The following NBEA variants were observed in gnomAD, a reference collection of about 807,000 sequenced individuals.
NBEA encodes the protein neurobeachin, also known as lysosomal-trafficking regulator 2.
In NBEA, 44 loss-of-function variants were observed where a neutral mutation model predicts 343.4. That is an observed-to-expected ratio of 0.13 (90% CI 0.10 to 0.16). The LOEUF is 0.16. Among genes scored for constraint, NBEA ranks in the 10% least tolerant of loss-of-function variants. The pLI, the probability that NBEA is intolerant of heterozygous loss-of-function variation, is 1.00. For missense variants in NBEA, 2,555 were observed against 3,631.3 expected, an observed-to-expected ratio of 0.70 and a Z score of 7.62; for synonymous variants, 1,175 against 1,238.7, an observed-to-expected ratio of 0.95 and a Z score of 1.08.
At chr13:35,023,590 C>G (rs1312337857) in intron 1 of NBEA, among the ~76,000 whole-genome samples, 1 of 152,020 alleles carries the variant, frequency 6.6e-6, no homozygotes, top group Non-Finnish European at 1.5e-5. Flanking sequence ...GCCTTGAAGA[C>G]ATTACTAAGG....
At position 35,561,727 on chromosome 13, in the gene NBEA, C is replaced by A. The variant is rs115223531; in HGVS notation, c.6923-5178C>A. ...TAATGCATTATGCAGACTTTTTACA[C>A]CCTCCTGTGGTATGTGTACATGTGC... On this transcript the variant is annotated intron_variant, in intron 44 of 58. Transcript: ENST00000379939. Among the ~76,000 whole-genome samples the A allele has an allele frequency of 5.5e-3, 841 of 152,152 alleles. 3 individuals carry two copies. The highest frequency in any genetic ancestry group is 0.019 in the African/African-American group (796 of 41,524).
intron 33 of NBEA, among the ~76,000 whole-genome samples, chr13:35,223,266 T>G (rs542044786): frequency 3.9e-5 from 6 of 152,194 alleles, no homozygotes; most frequent in Non-Finnish European, 7.3e-5. Context: ...ATAAATCTGT[T>G]TTTGTCTGGT....
Position 35,220,904 on chromosome 13 carries a change from A to G in NBEA, c.5648+9725A>G, listed in dbSNP as rs554331808. Among the ~76,000 whole-genome samples, 407 of 151,562 alleles carry G rather than the reference A, an allele frequency of 2.7e-3. 3 individuals carry two copies. The highest frequency in any genetic ancestry group is 9.3e-3 in the African/African-American group (381 of 41,010). ...TTACCTATCTATATCCTTTCCCCCTATGCCTATTTCTCTCTCAGTGATTTT... is the reference window on the plus strand; with the variant it reads ...TTACCTATCTATATCCTTTCCCCCTGTGCCTATTTCTCTCTCAGTGATTTT... On this transcript the variant is annotated intron_variant, in intron 33 of 58. Transcript: ENST00000379939.
At chr13:35,654,756 T>C (rs1172498194) in intron 53 of NBEA, 99 bp from the exon 54 acceptor site, 2 of 920,670 alleles carry the variant, frequency 2.2e-6, no homozygotes, top group Non-Finnish European at 3.2e-6. Context: ...AAACTATTTC[T>C]GGATAAATGA....
At chr13:35,042,332 A>T (rs1435080706) in intron 2 of NBEA, among the ~76,000 whole-genome samples, 1 of 151,862 alleles carries the variant, frequency 6.6e-6, no homozygotes, top group Non-Finnish European at 1.5e-5. Context: ...ATTTCTTAAA[A>T]TACCTTTTTA....
chr13:35,597,783 C>A (rs1194408159), intron 47 of NBEA, among the ~76,000 whole-genome samples: 1 of 152,020 alleles, frequency 6.6e-6, no homozygotes, highest in South Asian at 2.1e-4. Flanking sequence ...TGCCTAGGCC[C>A]GGAAGTCACA....
intron 38 of NBEA, among the ~76,000 whole-genome samples, chr13:35,369,943 A>G (rs2041334416): frequency 6.6e-6 from 1 of 151,944 alleles, no homozygotes; most frequent in Non-Finnish European, 1.5e-5. Context: ...TTGTGTCATA[A>G]CATATAGTCA....
intron 31 of NBEA, among the ~76,000 whole-genome samples, chr13:35,200,103 T>A (rs1193417065): frequency 6.6e-6 from 1 of 152,062 alleles, no homozygotes; most frequent in Non-Finnish European, 1.5e-5. Context: ...ATATTTATGA[T>A]GGTTTTATTT....
At chr13:34,995,893 A>G (rs1281082431) in intron 1 of NBEA, among the ~76,000 whole-genome samples, 1 of 152,254 alleles carries the variant, frequency 6.6e-6, no homozygotes, top group Non-Finnish European at 1.5e-5. Flanking sequence ...ATAAGGCAGA[A>G]AGATGAATTC....
intron 1 of NBEA, 130 bp downstream of exon 1, chr13:34,943,244 C>T: frequency 8.1e-7 from 1 of 1,232,204 alleles, no homozygotes. Flanking sequence ...GAGCGTTCAG[C>T]CGGTATTGCC....
intron 33 of NBEA, among the ~76,000 whole-genome samples, chr13:35,212,316 A>G (rs1161871409): frequency 6.6e-6 from 1 of 152,096 alleles, no homozygotes; most frequent in Non-Finnish European, 1.5e-5. Flanking sequence ...TATGAGATTC[A>G]TCTACTATTG....
Position 35,387,012 on chromosome 13 carries a change from G to A in NBEA, c.6179+34689G>A, listed in dbSNP as rs191298266. Among the ~76,000 whole-genome samples, 220 of 152,146 alleles carry A rather than the reference G, an allele frequency of 1.4e-3. 1 individual carries two copies. The highest frequency in any genetic ancestry group is 0.013 in the Admixed American group (198 of 15,288). On this transcript the variant is annotated intron_variant, in intron 38 of 58. Coordinates refer to ENST00000379939, the MANE Select transcript of NBEA (RefSeq NM_001385012.1). ...TCAAAATTTTTTTCACTGAAGTAGT[G>A]ATTTTTTCATGCCCTTTAACCTTTT...
At chr13:34,975,987 C>G (rs112212396) in intron 1 of NBEA, among the ~76,000 whole-genome samples, 2,345 of 152,228 alleles carry the variant, frequency 0.015, 64 homozygotes, top group African/African-American at 0.054. Context: ...ATGTAAACTA[C>G]TACAACCATT....
intron 49 of NBEA, among the ~76,000 whole-genome samples, chr13:35,636,786 A>G (rs1050981146): frequency 2.6e-5 from 4 of 152,194 alleles, no homozygotes; most frequent in African/African-American, 9.7e-5. Flanking sequence ...TTAATGATTA[A>G]CCCCAAAGTG....
intron 38 of NBEA, among the ~76,000 whole-genome samples, chr13:35,393,312 A>G (rs7320715): frequency 0.7 from 106,698 of 151,958 alleles, 39,572 homozygotes; most frequent in Non-Finnish European, 0.81. Flanking sequence ...TAGAGCATCC[A>G]CTAGAGTTTT....
intron 34 of NBEA, among the ~76,000 whole-genome samples, chr13:35,280,307 T>TCTA (rs951231005): frequency 3.5e-4 from 54 of 152,134 alleles, no homozygotes; most frequent in African/African-American, 1.2e-3. Context: ...TATCTGAGGC[T>TCTA]CTACATCCTC....
chr13:35,403,427 A>G (rs2043093662), intron 38 of NBEA, among the ~76,000 whole-genome samples: 1 of 152,014 alleles, frequency 6.6e-6, no homozygotes, highest in South Asian at 2.1e-4. Flanking sequence ...GATCCAAAAA[A>G]AGAACAATAC....
chr13:35,370,871 A>T (rs7989570), intron 38 of NBEA, among the ~76,000 whole-genome samples: 1 of 151,122 alleles, frequency 6.6e-6, no homozygotes, highest in Non-Finnish European at 1.5e-5. Flanking sequence ...CTCCATTTAT[A>T]AAGAATAACT....
At chr13:35,279,382 A>C (rs967388620) in intron 34 of NBEA, among the ~76,000 whole-genome samples, 2 of 152,234 alleles carry the variant, frequency 1.3e-5, no homozygotes, top group African/African-American at 4.8e-5. Flanking sequence ...GACTACATTA[A>C]AACCAGATAT....
Sources: allele counts gnomAD v4.1 joint callset (sites outside exome capture counted in the v4.1 genomes callset), GRCh38; gene constraint gnomAD v4.1.1; transcripts MANE v1.5; gene names NCBI Gene and HGNC (gene_info 2026-07-23, HGNC 2026-07-21).